Variants in CNTNAP2 observed in about 807,000 individuals in gnomAD.
CNTNAP2 encodes the protein contactin-associated protein-like 2.
CNTNAP2 carries 98 observed loss-of-function variants against 155.2 expected under a neutral mutation model. The observed-to-expected ratio is 0.63, with a 90% CI of 0.54 to 0.75. The LOEUF (loss-of-function observed/expected upper bound fraction) is 0.75, where lower values mean the gene tolerates loss of function less well. Among genes scored for constraint, CNTNAP2 ranks in the 30% least tolerant of loss-of-function variants. The pLI is 0.00. For missense variants in CNTNAP2, 1,727 were observed against 1,688.1 expected (o/e 1.02, Z -0.40); for synonymous variants, 651 against 631.2 (o/e 1.03, Z -0.47).
At chr7:148,225,615 C>A (rs113298821) in intron 19 of CNTNAP2, among the ~76,000 whole-genome samples, 1 of 152,240 alleles carries the variant, frequency 6.6e-6, no homozygotes, top group East Asian at 1.9e-4. Flanking sequence ...CTCTGACCAC[C>A]GTGTGGTGAG....
chr7:146,164,836 A>G (rs1255886970), intron 1 of CNTNAP2, among the ~76,000 whole-genome samples: 2 of 152,106 alleles, frequency 1.3e-5, no homozygotes, highest in Non-Finnish European at 2.9e-5. Context: ...TTTAGATCTC[A>G]TCTTTCTGGG....
At chr7:146,969,250 A>G (rs1335967990) in intron 3 of CNTNAP2, among the ~76,000 whole-genome samples, 19 of 152,072 alleles carry the variant, frequency 1.2e-4, no homozygotes, top group Non-Finnish European at 2.1e-4. Context: ...CAATTTTGGA[A>G]TAGGTGTGGT....
chr7:147,823,397 A>C (rs1798391848), intron 13 of CNTNAP2, among the ~76,000 whole-genome samples: 1 of 152,138 alleles, frequency 6.6e-6, no homozygotes, highest in Admixed American at 6.6e-5. Flanking sequence ...TACGTTGTTT[A>C]GTTGTTTACT....
intron 1 of CNTNAP2, among the ~76,000 whole-genome samples, chr7:146,551,394 T>C (rs951608041): frequency 6.6e-6 from 1 of 151,980 alleles, no homozygotes; most frequent in Non-Finnish European, 1.5e-5. Context: ...TGGTGTTTGG[T>C]TTTTTGTCCT....
At chr7:147,792,205 T>C (rs1424941351) in intron 13 of CNTNAP2, among the ~76,000 whole-genome samples, 1 of 152,236 alleles carries the variant, frequency 6.6e-6, no homozygotes, top group East Asian at 1.9e-4. Flanking sequence ...TTTATGAAGA[T>C]ACAATTCACC....
intron 13 of CNTNAP2, among the ~76,000 whole-genome samples, chr7:147,881,095 A>G (rs1799512776): frequency 6.6e-6 from 1 of 152,178 alleles, no homozygotes; most frequent in Admixed American, 6.5e-5. Context: ...ATGGTGAGGC[A>G]TTTCTCTCTG....
intron 13 of CNTNAP2, among the ~76,000 whole-genome samples, chr7:147,785,942 A>C (rs1233681378): frequency 6.6e-6 from 1 of 151,962 alleles, no homozygotes; most frequent in Non-Finnish European, 1.5e-5. Context: ...CAATGAGCCA[A>C]GATCGTGCCA....
intron 3 of CNTNAP2, among the ~76,000 whole-genome samples, chr7:146,921,613 TC>T (rs1341529643): frequency 1.3e-5 from 2 of 151,990 alleles, no homozygotes; most frequent in Non-Finnish European, 2.9e-5. Flanking sequence ...GCGGGGGAAT[TC>T]CCATTTATTA....
intron 13 of CNTNAP2, among the ~76,000 whole-genome samples, chr7:147,839,475 G>A (rs1224057062): frequency 6.6e-6 from 1 of 152,200 alleles, no homozygotes; most frequent in Admixed American, 6.5e-5. Context: ...TCCAGAGGCA[G>A]TCACTCTTGA....
intron 1 of CNTNAP2, among the ~76,000 whole-genome samples, chr7:146,180,647 G>A (rs763937922): frequency 6.6e-6 from 1 of 151,964 alleles, no homozygotes; most frequent in Non-Finnish European, 1.5e-5. Flanking sequence ...TCTATACTAG[G>A]CACTGTTGTA....
intron 17 of CNTNAP2, among the ~76,000 whole-genome samples, chr7:148,170,443 C>T (rs952456189): frequency 1.3e-5 from 2 of 152,214 alleles, no homozygotes; most frequent in African/African-American, 4.8e-5. Flanking sequence ...GGCAAAGGCC[C>T]TCATTCTCTT....
chr7:146,155,654 T>C lies in CNTNAP2; in HGVS notation c.97+38681T>C, dbSNP rs562060559. Among the ~76,000 whole-genome samples, 5 of 150,646 alleles carry C rather than the reference T, an allele frequency of 3.3e-5. No homozygotes were observed. The East Asian group carries it at 9.7e-4, about 29-fold the overall frequency. On this transcript the variant is annotated intron_variant, in intron 1 of 23. Transcript: ENST00000361727. ...ATTATATAGTAATTACATAAGTAAA[T>C]ACAATTATAAATAATTGCATAAAAC...
chr7:146,122,413 T>C (rs1258015301), intron 1 of CNTNAP2, among the ~76,000 whole-genome samples: 1 of 152,246 alleles, frequency 6.6e-6, no homozygotes, highest in Non-Finnish European at 1.5e-5. Flanking sequence ...ATATAAAGAA[T>C]GTTATTTCCT....
chr7:146,530,283 G>T (rs770862996), intron 1 of CNTNAP2, among the ~76,000 whole-genome samples: 2 of 152,090 alleles, frequency 1.3e-5, no homozygotes, highest in Non-Finnish European at 2.9e-5. Context: ...AGCCCTGGAA[G>T]ATAACCTAGG....
At chr7:146,799,649 C>T in intron 2 of CNTNAP2, among the ~76,000 whole-genome samples, 1 of 152,188 alleles carries the variant, frequency 6.6e-6, no homozygotes, top group East Asian at 1.9e-4. Context: ...TATTACTCTG[C>T]AAGCGTATGA....
At chr7:147,414,211 G>C (rs10261599) in intron 10 of CNTNAP2, among the ~76,000 whole-genome samples, 37,484 of 151,678 alleles carry the variant, frequency 0.25, 5,128 homozygotes, top group African/African-American at 0.35. Context: ...GATCGCTTGC[G>C]ATCAGGAGTT....
At chr7:147,187,901 A>G (rs1802600516) in intron 8 of CNTNAP2, among the ~76,000 whole-genome samples, 1 of 152,150 alleles carries the variant, frequency 6.6e-6, no homozygotes, top group Non-Finnish European at 1.5e-5. Context: ...CTCTACCAAA[A>G]ATATAAAATA....
chr7:146,947,380 CTCTT>C (rs1390715816), intron 3 of CNTNAP2, among the ~76,000 whole-genome samples: 1 of 129,830 alleles, frequency 7.7e-6, no homozygotes, highest in African/African-American at 3.1e-5. Context: ...AGTTCCTTCT[CTCTT>C]TCTCTCTCTC....
intron 1 of CNTNAP2, among the ~76,000 whole-genome samples, chr7:146,489,690 C>G (rs940212921): frequency 6.6e-6 from 1 of 152,038 alleles, no homozygotes; most frequent in Non-Finnish European, 1.5e-5. Flanking sequence ...TGTCCCCCAT[C>G]CAAGAAGAAT....
Sources: gnomAD v4.1 joint callset for allele counts (sites outside exome capture counted in the v4.1 genomes callset) on GRCh38, gnomAD v4.1.1 for gene constraint, MANE v1.5 for transcripts, NCBI Gene and HGNC (gene_info 2026-07-23, HGNC 2026-07-21) for gene names.